The following ARFGEF3 variants were observed in gnomAD, a reference collection of about 807,000 sequenced individuals.
ARFGEF3 encodes the protein brefeldin A-inhibited guanine nucleotide-exchange protein 3.
Under a neutral mutation model 221.7 loss-of-function variants are expected in ARFGEF3, and 96 were observed. The ratio of observed to expected loss-of-function variants is 0.43; its 90% CI spans 0.37 to 0.51. The LOEUF (loss-of-function observed/expected upper bound fraction) is 0.51. ARFGEF3 is among the 20% of genes least tolerant of loss of function. The probability of loss-of-function intolerance (pLI) is 0.00; values close to 1 mark genes in which losing one functional copy is unlikely to be tolerated. For missense variants in ARFGEF3, 2,410 were observed against 2,789.9 expected (o/e 0.86, Z 3.07); for synonymous variants, 1,145 against 1,126.8 (o/e 1.02, Z -0.32).
At chr6:138,194,244 G>A (rs575103910) in intron 2 of ARFGEF3, among the ~76,000 whole-genome samples, 1 of 151,036 alleles carries the variant, frequency 6.6e-6, no homozygotes, top group Non-Finnish European at 1.5e-5. Flanking sequence ...CTCCAGCCTG[G>A]GTGACAGAGC....
chr6:138,218,516 A>G (rs898335431), intron 4 of ARFGEF3: 15 of 1,422,566 alleles, frequency 1.1e-5, no homozygotes, highest in Admixed American at 6.0e-5. Context: ...TGATTCCACA[A>G]TCTAAGGAAA....
intron 12 of ARFGEF3, among the ~76,000 whole-genome samples, chr6:138,277,293 T>C (rs764871454): frequency 3.3e-5 from 5 of 152,230 alleles, no homozygotes; most frequent in Non-Finnish European, 5.9e-5. Context: ...GTGGCATATA[T>C]CAGAACGCCA....
chr6:138,292,896 T>C (rs1489064075), intron 19 of ARFGEF3, among the ~76,000 whole-genome samples: 1 of 152,190 alleles, frequency 6.6e-6, no homozygotes, highest in Non-Finnish European at 1.5e-5. Flanking sequence ...ATCTGGAAAG[T>C]AATATACAGG....
chr6:138,314,023 C>A, intron 26 of ARFGEF3, 84 bp downstream of exon 26: 1 of 1,390,232 alleles, frequency 7.2e-7, no homozygotes. Flanking sequence ...GTACCTTAAG[C>A]TTCTGGGAAT....
At chr6:138,194,736 G>A (rs766516558) in intron 2 of ARFGEF3, among the ~76,000 whole-genome samples, 27 of 152,144 alleles carry the variant, frequency 1.8e-4, no homozygotes, top group Non-Finnish European at 3.1e-4. Context: ...GGAAATGTTT[G>A]AAAGATGGTA....
Position 138,286,233 on chromosome 6 carries a change from G to A in ARFGEF3, c.2569+180G>A, listed in dbSNP as rs531603556. On this transcript the variant is annotated intron_variant, in intron 15 of 33. Coordinates refer to ENST00000251691, the MANE Select transcript of ARFGEF3 (RefSeq NM_020340.5). ...TGGGAGGCCGAGGCGGGCAGATCAC[G>A]AGGTCAGGAGATCCAGACCATCCTG... is the stretch of plus-strand genomic sequence containing the variant. Among the ~76,000 whole-genome samples, 32 of 152,224 alleles carry A rather than the reference G, an allele frequency of 2.1e-4. No homozygotes were observed. The East Asian group carries it at 5.2e-3, about 25-fold the overall frequency.
chr6:138,335,285 A>G (rs1780302902), intron 33 of ARFGEF3, 97 bp downstream of exon 33: 1 of 1,264,958 alleles, frequency 7.9e-7, no homozygotes, highest in Non-Finnish European at 1.0e-6. Flanking sequence ...GCTAAGATTT[A>G]TAGAAACAGG....
chr6:138,195,863 A>T (rs1299991286), intron 2 of ARFGEF3, among the ~76,000 whole-genome samples: 1 of 152,118 alleles, frequency 6.6e-6, no homozygotes, highest in Non-Finnish European at 1.5e-5. Context: ...TGAGGAATTA[A>T]GTGTGTCTGT....
intron 2 of ARFGEF3, among the ~76,000 whole-genome samples, chr6:138,201,539 G>A (rs1373591402): frequency 1.3e-5 from 2 of 152,168 alleles, no homozygotes; most frequent in African/African-American, 4.8e-5. Context: ...TAAGATTGGA[G>A]ACTATTATTC....
At chr6:138,258,499 TG>T (rs1287567744) in intron 10 of ARFGEF3, among the ~76,000 whole-genome samples, 1 of 152,216 alleles carries the variant, frequency 6.6e-6, no homozygotes, top group Non-Finnish European at 1.5e-5. Flanking sequence ...GCTGCTTCTT[TG>T]CTATCAAAAT....
At chr6:138,289,524 C>A (rs559717494) in intron 17 of ARFGEF3, among the ~76,000 whole-genome samples, 2 of 152,280 alleles carry the variant, frequency 1.3e-5, no homozygotes, top group East Asian at 3.9e-4. Context: ...CTCATGAAAC[C>A]CATCCACACT....
chr6:138,218,947 T>TGACC (rs1174696479), intron 4 of ARFGEF3, among the ~76,000 whole-genome samples: 1 of 140,760 alleles, frequency 7.1e-6, no homozygotes, highest in African/African-American at 3.3e-5. Context: ...TTTTTAGACC[T>TGACC]TTTTTTATTG....
intron 4 of ARFGEF3, chr6:138,217,831 A>G: frequency 9.4e-7 from 1 of 1,069,446 alleles, no homozygotes; most frequent in Non-Finnish European, 1.3e-6. Context: ...GTATTTTAGA[A>G]TTGAAATAAC....
chr6:138,280,580 G>A (rs996571752), intron 14 of ARFGEF3, among the ~76,000 whole-genome samples: 3 of 152,340 alleles, frequency 2.0e-5, no homozygotes, highest in Non-Finnish European at 2.9e-5. Context: ...GCCAAGTGCC[G>A]TGGCTCATGC....
intron 5 of ARFGEF3, among the ~76,000 whole-genome samples, chr6:138,235,890 C>CT (rs1464166935): frequency 6.6e-6 from 1 of 152,096 alleles, no homozygotes; most frequent in Non-Finnish European, 1.5e-5. Context: ...TAAATTAATA[C>CT]TTTTTTTAGC....
chr6:138,326,175 AC>A (rs1475572649), intron 31 of ARFGEF3, among the ~76,000 whole-genome samples: 1 of 151,972 alleles, frequency 6.6e-6, no homozygotes, highest in African/African-American at 2.4e-5. Flanking sequence ...ACTTCTTAAT[AC>A]TTCTCTATTT....
chr6:138,248,378 C>T (rs1431373243), intron 8 of ARFGEF3, among the ~76,000 whole-genome samples: 1 of 152,276 alleles, frequency 6.6e-6, no homozygotes, highest in South Asian at 2.1e-4. Context: ...GTGCTTCTCC[C>T]TTACCCCTGC....
At chr6:138,164,614 GA>G (rs1326324445) in intron 1 of ARFGEF3, among the ~76,000 whole-genome samples, 1 of 152,138 alleles carries the variant, frequency 6.6e-6, no homozygotes, top group Non-Finnish European at 1.5e-5. Context: ...TTGGGTGCAA[GA>G]GACAAAAAAG....
chr6:138,165,055 C>T (rs1008038114), intron 1 of ARFGEF3, among the ~76,000 whole-genome samples: 8 of 143,084 alleles, frequency 5.6e-5, no homozygotes, highest in Non-Finnish European at 1.1e-4. Flanking sequence ...TCACTTAGAC[C>T]CTCATGGGAG....
Sources: gnomAD v4.1 joint callset for allele counts (sites outside exome capture counted in the v4.1 genomes callset) on GRCh38, gnomAD v4.1.1 for gene constraint, MANE v1.5 for transcripts, NCBI Gene and HGNC (gene_info 2026-07-23, HGNC 2026-07-21) for gene names.